DNAJC13: variants seen among roughly 807,000 people sequenced by gnomAD.
DNAJC13 encodes the protein DnaJ heat shock protein family (Hsp40) member C13, also known as dnaJ homolog subfamily C member 13.
A neutral mutation model predicts 290.5 loss-of-function variants in DNAJC13; 75 were observed. That is an observed-to-expected ratio of 0.26 (90% CI 0.21 to 0.31). DNAJC13 has a LOEUF of 0.31. DNAJC13 is among the 10% of genes least tolerant of loss of function. The pLI is 1.00. For missense variants in DNAJC13, 2,260 were observed against 2,674.5 expected (o/e 0.85, Z 3.42); for synonymous variants, 862 against 892.0 (o/e 0.97, Z 0.60).
Position 132,507,298 on chromosome 3 carries a change from T to C in DNAJC13, c.5060T>C (p.Ile1687Thr), listed in dbSNP as rs747122296. The C allele has an allele frequency of 6.2e-6, 10 of 1,613,566 alleles. No homozygotes were observed. Among genetic ancestry groups the C allele is most frequent in the Admixed American group, 3.3e-5 (2 of 60,010 alleles). The change falls in exon 43 of 56, where the codon ATT becomes ACT. Residue 1687 changes from isoleucine (I) to threonine (T), a missense_variant. This residue lies in a region of DNAJC13 where 1,494 missense variants were observed against 1,693.7 expected (regional missense o/e 0.88). Coordinates refer to ENST00000260818, the MANE Select transcript of DNAJC13 (RefSeq NM_015268.4). ...TACAGTGATCATGCCAAAGAACTTA[T>C]TGTAGGGGAGATTTTTGTTAGGGTG... ...FVYSDHAKEL[I>T]VGEIFVRVYN...
At chr3:132,457,000 C>T (rs903534551) in intron 12 of DNAJC13, among the ~76,000 whole-genome samples, 168 bp downstream of exon 12, 16 of 152,116 alleles carry the variant, frequency 1.1e-4, no homozygotes, top group African/African-American at 2.9e-4. Flanking sequence ...GCAGCAGAAG[C>T]GGAATATTGG....
intron 6 of DNAJC13, among the ~76,000 whole-genome samples, chr3:132,451,606 A>G (rs906020789): frequency 1.3e-5 from 2 of 152,124 alleles, no homozygotes; most frequent in Non-Finnish European, 2.9e-5. Flanking sequence ...AAGTCTCCAA[A>G]TGGAGAGACT....
chr3:132,478,924 AATTATTTCACTTAC>A (rs1376010177), intron 24 of DNAJC13, among the ~76,000 whole-genome samples: 92 of 152,278 alleles, frequency 6.0e-4, no homozygotes, highest in African/African-American at 2.1e-3. Context: ...CATTTGGACC[AATTATTTCACTTAC>A]ATTATTTCAC....
intron 8 of DNAJC13, 38 bp from the exon 9 acceptor site, chr3:132,454,028 C>CTT: frequency 6.9e-7 from 1 of 1,456,008 alleles, no homozygotes; most frequent in Admixed American, 2.1e-5. Context: ...AAACTATAAA[C>CTT]TTTTTTTTGT....
In DNAJC13 at chr3:132,523,182, C is replaced by A. The variant is rs376192130; in HGVS notation, c.5869C>A (p.Pro1957Thr). 4 of 1,613,776 alleles carry A rather than the reference C, an allele frequency of 2.5e-6. No individual in the cohort carries two copies. The highest frequency in any genetic ancestry group is 2.5e-6 in the Non-Finnish European group (3 of 1,179,892). ...LEHFKNQQDN[P>T]EANWKLPEDF... ...GCACTTTAAAAATCAGCAGGACAACCCTGAGGCAAACTGGAAGGTAAAATA... is the reference window on the plus strand; with the variant it reads ...GCACTTTAAAAATCAGCAGGACAACACTGAGGCAAACTGGAAGGTAAAATA... The change falls in exon 50 of 56, where the codon CCT becomes ACT. Residue 1957 changes from proline (P) to threonine (T), a missense_variant. Pro to Thr is a conservative substitution (Grantham distance 38). Coordinates refer to ENST00000260818, the MANE Select transcript of DNAJC13 (RefSeq NM_015268.4).
Position 132,499,116 on chromosome 3 carries a change from G to T in DNAJC13, c.4157-10G>T. On this transcript the variant is annotated splice_polypyrimidine_tract_variant and intron_variant, in intron 36 of 55. Coordinates refer to ENST00000260818, the MANE Select transcript of DNAJC13 (RefSeq NM_015268.4). ...TTTGTTTTTCTAACACTAACCATTG[G>T]TTATTTCAGATTTACAGCCTTATAA... The T allele has an allele frequency of 6.4e-7, 1 of 1,565,748 alleles. No homozygotes were observed. The highest frequency in any genetic ancestry group is 1.2e-5 in the South Asian group (1 of 85,654).
intron 31 of DNAJC13, among the ~76,000 whole-genome samples, chr3:132,489,620 AT>A (rs201842990): frequency 6.6e-6 from 1 of 151,500 alleles, no homozygotes; most frequent in Non-Finnish European, 1.5e-5. Flanking sequence ...TGGAGCATGG[AT>A]TTTTTTTTGG....
chr3:132,479,413 G>A, intron 25 of DNAJC13, 124 bp downstream of exon 25: 2 of 663,872 alleles, frequency 3.0e-6, no homozygotes, highest in African/African-American at 1.8e-5. Context: ...TAGACAGAAA[G>A]TTCTGTGTGC....
chr3:132,528,419 T>C (rs1936324474), intron 54 of DNAJC13, 87 bp downstream of exon 54: 6 of 1,491,710 alleles, frequency 4.0e-6, no homozygotes, highest in African/African-American at 1.4e-5. Context: ...CAAGTTCCAC[T>C]TACAGATATG....
At chr3:132,494,966 C>A (rs1935185087) in intron 34 of DNAJC13, 122 bp from the exon 35 acceptor site, 2 of 543,358 alleles carry the variant, frequency 3.7e-6, no homozygotes, top group African/African-American at 2.0e-5. Flanking sequence ...TAATTTGAAG[C>A]CTAATATATA....
intron 1 of DNAJC13, among the ~76,000 whole-genome samples, chr3:132,425,386 T>C (rs1034374772): frequency 2.4e-4 from 37 of 152,286 alleles, no homozygotes; most frequent in Non-Finnish European, 5.9e-5. Context: ...ACCCAACATA[T>C]TGTAAACATT....
At chr3:132,505,964 A>T (rs960058224) in intron 42 of DNAJC13, among the ~76,000 whole-genome samples, 8 of 150,902 alleles carry the variant, frequency 5.3e-5, no homozygotes, top group Non-Finnish European at 1.0e-4. Flanking sequence ...ATTCCATGTT[A>T]GTCATCTAGA....
At chr3:132,480,616 G>C in intron 26 of DNAJC13, 146 bp downstream of exon 26, 2 of 590,168 alleles carry the variant, frequency 3.4e-6, no homozygotes, top group Admixed American at 3.3e-5. Context: ...ATTTCACACA[G>C]AAGATGTGAA....
intron 54 of DNAJC13, among the ~76,000 whole-genome samples, 165 bp from the exon 55 acceptor site, chr3:132,530,833 C>T (rs1230934046): frequency 6.6e-6 from 1 of 152,222 alleles, no homozygotes; most frequent in Non-Finnish European, 1.5e-5. Flanking sequence ...ATGTGTCTGG[C>T]ATAGTGCCTG....
chr3:132,499,679 C>T, intron 37 of DNAJC13, 55 bp from the exon 38 acceptor site: 1 of 1,451,930 alleles, frequency 6.9e-7, no homozygotes, highest in Non-Finnish European at 9.6e-7. Context: ...CTAGAAAAGG[C>T]CTTTCAGACT....
chr3:132,434,392 A>C (rs886085703), intron 1 of DNAJC13, 146 bp from the exon 2 acceptor site: 9 of 489,138 alleles, frequency 1.8e-5, no homozygotes, highest in Admixed American at 1.1e-4. Context: ...CTCAAAAAAA[A>C]AAAAAACAAA....
chr3:132,445,108 T>C (rs892011219), intron 2 of DNAJC13, among the ~76,000 whole-genome samples: 8 of 152,172 alleles, frequency 5.3e-5, no homozygotes, highest in African/African-American at 1.9e-4. Flanking sequence ...GGAATACTTT[T>C]ATTGTATTAC....
intron 1 of DNAJC13, among the ~76,000 whole-genome samples, chr3:132,423,172 G>A (rs1048033432): frequency 5.9e-5 from 9 of 152,098 alleles, no homozygotes; most frequent in Non-Finnish European, 8.8e-5. Context: ...ACGTGTGCTC[G>A]GGAGGCTGAG....
intron 43 of DNAJC13, among the ~76,000 whole-genome samples, chr3:132,508,699 A>G (rs1207635097): frequency 3.0e-4 from 46 of 152,212 alleles, no homozygotes; most frequent in Non-Finnish European, 1.5e-5. Context: ...GGTGACAGTC[A>G]TACCCCAAAC....
Sources: gnomAD v4.1 joint callset for allele counts (sites outside exome capture counted in the v4.1 genomes callset) on GRCh38, gnomAD v4.1.1 for gene constraint, gnomAD v4.1.1 regional missense constraint, MANE v1.5 for transcripts, NCBI Gene and HGNC (gene_info 2026-07-23, HGNC 2026-07-21) for gene names.